The following NECTIN2 variants were observed in gnomAD, a reference collection of about 807,000 sequenced individuals.
NECTIN2 encodes nectin cell adhesion molecule 2.
A neutral mutation model predicts 56.9 loss-of-function variants in NECTIN2; 23 were observed. That is an observed-to-expected ratio of 0.40 (90% confidence interval 0.29 to 0.57). NECTIN2 has a LOEUF of 0.57. NECTIN2 is among the 20% of genes least tolerant of loss of function. NECTIN2 has a pLI of 0.38. For missense variants in NECTIN2, 587 were observed against 718.3 expected (o/e 0.82, Z 2.09); for synonymous variants, 302 against 313.8 (o/e 0.96, Z 0.40).
chr19:44,882,433 A>AG (rs1969318141), intron 6 of NECTIN2, 69 bp downstream of exon 6: 1 of 1,260,262 alleles, frequency 7.9e-7, no homozygotes, highest in East Asian at 3.1e-5. Context: ...GGTAGGGGTG[A>AG]GGGTGGGAGA....
At chr19:44,884,188 A>G (rs1490189865) in intron 6 of NECTIN2, among the ~76,000 whole-genome samples, 1 of 151,934 alleles carries the variant, frequency 6.6e-6, no homozygotes, top group Admixed American at 6.6e-5. Flanking sequence ...TTGAGACAGG[A>G]TCTCACTCTG....
At chr19:44,852,846 T>C (rs1357005594) in intron 1 of NECTIN2, among the ~76,000 whole-genome samples, 1 of 152,206 alleles carries the variant, frequency 6.6e-6, no homozygotes, top group African/African-American at 2.4e-5. Context: ...GGCTCACGCC[T>C]GTAATCCAAG....
intron 1 of NECTIN2, among the ~76,000 whole-genome samples, chr19:44,852,998 A>G (rs1968919040): frequency 6.6e-6 from 1 of 151,956 alleles, no homozygotes; most frequent in South Asian, 2.1e-4. Context: ...TGTAGTCCCA[A>G]CTACTGAGAA....
rs2091128344 is a variant in NECTIN2 at position 44,865,339 on chromosome 19, C to T, written c.157C>T (p.Pro53Ser). The stretch of plus-strand genomic sequence containing the variant: ...CCAGCTCGGGGGCACCGTGGAGCTG[C>T]CGTGCCACCTGCTGCCACCTGTTCC... ...RGQLGGTVEL[P>S]CHLLPPVPGL... The change falls in exon 2 of 9, where the codon CCG (proline) becomes TCG (serine). Residue 53 changes from proline to serine, a missense_variant. By Grantham distance (74) the Pro-to-Ser change is moderately conservative. Coordinates refer to ENST00000252483, the MANE Select transcript of NECTIN2 (RefSeq NM_001042724.2). This position sits in a 1 kb window ranked among gnomAD's most constrained non-coding sequence, Gnocchi z 5.2. 6.2e-7 allele frequency: 1 copy of T among 1,613,988 alleles called. No individual in the cohort carries two copies. Among genetic ancestry groups the T allele is most frequent in the African/African-American group, 1.3e-5 (1 of 74,904 alleles).
At position 44,888,130 on chromosome 19, in the gene NECTIN2, G is replaced by A. The variant is rs1340234515; in HGVS notation, c.1368G>A (p.Glu456=). 2.5e-6 allele frequency: 4 copies of A among 1,612,820 alleles called. No individual in the cohort carries two copies. Among genetic ancestry groups the A allele is most frequent in the Admixed American group, 1.7e-5 (1 of 59,962 alleles). ...CTEQEMPRYH[E]LPTLEERSGP... ...TCCAGGAAATGCCTCGATACCATGAGCTGCCCACCTTGGAAGAACGGTCAG... is the reference window on the plus strand; with the variant it reads ...TCCAGGAAATGCCTCGATACCATGAACTGCCCACCTTGGAAGAACGGTCAG... The change falls in exon 9 of 9, where the codon GAG becomes GAA. Residue 456 remains glutamate, a synonymous_variant. Coordinates refer to ENST00000252483, the MANE Select transcript of NECTIN2 (RefSeq NM_001042724.2).
chr19:44,870,131 T>C (rs1969155649), intron 2 of NECTIN2, among the ~76,000 whole-genome samples: 1 of 151,628 alleles, frequency 6.6e-6, no homozygotes, highest in Non-Finnish European at 1.5e-5. Flanking sequence ...TGGAGTGGGG[T>C]CTGGAGAAGG....
In NECTIN2 at chr19:44,886,125, C is replaced by T; in HGVS notation, c.1261-8C>T. On this transcript the variant is annotated splice_region_variant and splice_polypyrimidine_tract_variant and intron_variant, in intron 7 of 8. Coordinates refer to ENST00000252483, the MANE Select transcript of NECTIN2 (RefSeq NM_001042724.2). ...GTTCCTGACCTCCCCGCCCCTCTCC[C>T]ACTACAGCCCTCCCAGCTCTTCACT... 1 of 1,609,554 alleles carries T rather than the reference C, an allele frequency of 6.2e-7. No individual in the cohort carries two copies. The highest frequency in any genetic ancestry group is 8.5e-7 in the Non-Finnish European group (1 of 1,176,130).
chr19:44,870,704 G>A (rs1173485394), intron 2 of NECTIN2, among the ~76,000 whole-genome samples: 4 of 151,588 alleles, frequency 2.6e-5, no homozygotes, highest in East Asian at 1.9e-4. Context: ...TTACTCGCTC[G>A]GCCTTGATTT....
Position 44,886,185 on chromosome 19 carries a change from C to G in NECTIN2, c.1313C>G (p.Pro438Arg). ...GASEHSPLKT[P>R]YFDAGASCTE... ...TCGGAGCACAGCCCACTCAAGACCCCCTACTTTGATGCTGGCGCCTCATGC... is the reference window on the plus strand; with the variant it reads ...TCGGAGCACAGCCCACTCAAGACCCGCTACTTTGATGCTGGCGCCTCATGC... The change falls in exon 8 of 9, where the codon CCC becomes CGC. Residue 438 changes from proline (P) to arginine (R), a missense_variant. Transcript: ENST00000252483. 6.2e-7 allele frequency: 1 copy of G among 1,612,788 alleles called. No individual in the cohort carries two copies. Among genetic ancestry groups the G allele is most frequent in the Non-Finnish European group, 8.5e-7 (1 of 1,179,902 alleles).
intron 2 of NECTIN2, among the ~76,000 whole-genome samples, chr19:44,867,218 C>T (rs905085962): frequency 2.6e-5 from 4 of 152,012 alleles, no homozygotes; most frequent in African/African-American, 9.7e-5. Flanking sequence ...GACGGGGTTG[C>T]ACCATGTTGG....
chr19:44,878,355 A>G, intron 5 of NECTIN2: 1 of 1,549,960 alleles, frequency 6.5e-7, no homozygotes, highest in Non-Finnish European at 8.7e-7. Flanking sequence ...AGGAGGAGGA[A>G]GAGCCCTGGA....
At chr19:44,849,399 G>C (rs1042949310) in intron 1 of NECTIN2, among the ~76,000 whole-genome samples, 4 of 152,106 alleles carry the variant, frequency 2.6e-5, no homozygotes, top group African/African-American at 9.7e-5. Flanking sequence ...CGTGACCCAC[G>C]GAGGTCAGGG....
Position 44,888,257 on chromosome 19 carries a change from G to C in NECTIN2, c.1495G>C (p.Gly499Arg), listed in dbSNP as rs753816043. The change falls in exon 9 of 9, where the codon GGG becomes CGG. Residue 499 changes from glycine to arginine, a missense_variant. Coordinates refer to ENST00000252483, the MANE Select transcript of NECTIN2 (RefSeq NM_001042724.2). ...TTCCCTGGATCTAGAGGATGAGGAG[G>C]GGGAGGAGGAGGAAGAGTATCTGGA... is the stretch of plus-strand genomic sequence containing the variant. ...DVSLDLEDEE[G>R]EEEEEYLDKI... The C allele has an allele frequency of 3.5e-5, 57 of 1,614,018 alleles. 2 individuals carry two copies. In the South Asian group the frequency reaches 5.8e-4, roughly 16 times the overall value.
chr19:44,846,438 C>G lies in NECTIN2; in HGVS notation c.-88C>G. 1 of 1,374,644 alleles carries G rather than the reference C, an allele frequency of 7.3e-7. No homozygotes were observed. The highest frequency in any genetic ancestry group is 9.3e-7 in the Non-Finnish European group (1 of 1,070,740). The allele number at this position is 1,374,644 out of a possible 1,614,324, so 85.2% of individuals were successfully genotyped here. A position where few individuals can be genotyped will look rare whatever the true frequency, so the allele number is the denominator to read the frequency against. On this transcript the variant is annotated 5_prime_UTR_variant, in exon 1 of 9. Transcript: ENST00000252483. The stretch of plus-strand genomic sequence containing the variant: ...GCCCGGAGCCGGAGCCGGAGCCCCA[C>G]AGGCACCTACTAAACCGCCCAGCCG...
At chr19:44,876,558 G>A (rs916068015) in intron 5 of NECTIN2, among the ~76,000 whole-genome samples, 13 of 152,154 alleles carry the variant, frequency 8.5e-5, no homozygotes, top group South Asian at 2.1e-4. Flanking sequence ...TGAGTGCCCC[G>A]ACAGCCACAG....
chr19:44,847,821 G>T (rs1406909914), intron 1 of NECTIN2, among the ~76,000 whole-genome samples: 1 of 152,176 alleles, frequency 6.6e-6, no homozygotes, highest in Non-Finnish European at 1.5e-5. Flanking sequence ...CATAGCAGGA[G>T]GTGGACGAGT....
At chr19:44,869,101 A>G (rs965115413) in intron 2 of NECTIN2, among the ~76,000 whole-genome samples, 7 of 151,946 alleles carry the variant, frequency 4.6e-5, no homozygotes, top group African/African-American at 1.7e-4. Context: ...GCCGTTTTCC[A>G]TAATACAAAG....
chr19:44,863,043 T>G (rs1969052646), intron 1 of NECTIN2, among the ~76,000 whole-genome samples: 1 of 148,684 alleles, frequency 6.7e-6, no homozygotes, highest in Non-Finnish European at 1.5e-5. Context: ...GCGCCTGTAA[T>G]CCCAGCTACT....
chr19:44,887,984 A>C lies in NECTIN2; in HGVS notation c.1348-126A>C. 9.9e-6 allele frequency: 10 copies of C among 1,014,288 alleles called. No homozygotes were observed. The South Asian group carries it at 1.5e-4, about 16-fold the overall frequency. The allele number at this position is 1,014,288 out of a possible 1,614,324, so 62.8% of individuals were successfully genotyped here. A position where few individuals can be genotyped will look rare whatever the true frequency, so the allele number is the denominator to read the frequency against. On this transcript the variant is annotated intron_variant, in intron 8 of 8. Transcript: ENST00000252483. ...CAGTGCAATATGGCCTCAGGGGACAAGGAGTGAGGTGGCATCTTGTTGGCA... is the reference window on the plus strand; with the variant it reads ...CAGTGCAATATGGCCTCAGGGGACACGGAGTGAGGTGGCATCTTGTTGGCA...
Sources: allele counts gnomAD v4.1 joint callset (sites outside exome capture counted in the v4.1 genomes callset), GRCh38; gene constraint gnomAD v4.1.1; non-coding constraint Gnocchi (gnomAD v3.1); transcripts MANE v1.5; gene names NCBI Gene and HGNC (gene_info 2026-07-23, HGNC 2026-07-21).